UMAD1: variants seen among roughly 807,000 people sequenced by gnomAD.
UMAD1 encodes the protein UBAP1-MVB12-associated (UMA)-domain containing protein 1.
Under a neutral mutation model 6.1 loss-of-function variants are expected in UMAD1, and 8 were observed. That is an observed-to-expected ratio of 1.30 (90% CI 0.76 to 2.35). The LOEUF is 2.35. Ranked by LOEUF, UMAD1 falls within the 30% of genes most tolerant of loss-of-function variation. The pLI is 0.00. For synonymous variants in UMAD1, 56 were observed against 31.4 expected, an observed-to-expected ratio of 1.78 and a Z score of -2.61; for missense variants, 130 against 78.4, an observed-to-expected ratio of 1.66 and a Z score of -2.49.
intron 3 of UMAD1, among the ~76,000 whole-genome samples, chr7:7,805,812 A>G (rs1403559521): frequency 6.6e-6 from 1 of 152,106 alleles, no homozygotes; most frequent in African/African-American, 2.4e-5. Context: ...GTCACTTTTC[A>G]TGACTACCTC....
intron 2 of UMAD1, among the ~76,000 whole-genome samples, chr7:7,755,010 A>G (rs908275408): frequency 6.6e-6 from 1 of 152,038 alleles, no homozygotes; most frequent in African/African-American, 2.4e-5. Flanking sequence ...GATTCTTTTT[A>G]ATTTAAGTGT....
At chr7:7,650,767 ATCACTCTCCATCCAGTGAT>A (rs1278584187) in intron 1 of UMAD1, among the ~76,000 whole-genome samples, 1 of 152,212 alleles carries the variant, frequency 6.6e-6, no homozygotes, top group Non-Finnish European at 1.5e-5. Context: ...TATCAGACTG[ATCACTCTCCATCCAGTGAT>A]TTCCTCCGGC....
chr7:7,784,843 G>C (rs1474129992), intron 2 of UMAD1, among the ~76,000 whole-genome samples: 4 of 139,966 alleles, frequency 2.9e-5, no homozygotes, highest in Non-Finnish European at 4.6e-5. Context: ...CTCGCTGCAG[G>C]CTCCGCCCCC....
chr7:7,783,184 A>G (rs1182363974), intron 2 of UMAD1, among the ~76,000 whole-genome samples: 1 of 152,226 alleles, frequency 6.6e-6, no homozygotes, highest in Admixed American at 6.5e-5. Flanking sequence ...GGCTGGTTGC[A>G]CCCATCTTGT....
At chr7:7,698,147 A>G (rs770022802) in intron 2 of UMAD1, among the ~76,000 whole-genome samples, 12 of 152,228 alleles carry the variant, frequency 7.9e-5, no homozygotes, top group Non-Finnish European at 2.9e-5. Context: ...ACTAAGAATA[A>G]ACAGGTAGTT....
chr7:7,759,496 C>T (rs74858493), intron 2 of UMAD1, among the ~76,000 whole-genome samples: 10,945 of 152,246 alleles, frequency 0.072, 417 homozygotes, highest in South Asian at 0.092. Context: ...TACAAGGCCA[C>T]GGGGCTTACA....
chr7:7,838,007 GC>G (rs1379887309), intron 3 of UMAD1, among the ~76,000 whole-genome samples: 2 of 152,078 alleles, frequency 1.3e-5, no homozygotes, highest in Non-Finnish European at 2.9e-5. Context: ...AATGTTGTAT[GC>G]CCCCAATAAC....
At chr7:7,736,709 T>C (rs1781367232) in intron 2 of UMAD1, 1 of 152,264 alleles carries the variant, frequency 6.6e-6, no homozygotes, top group Admixed American at 6.5e-5. Context: ...AAGCCCTTTC[T>C]TGATGTCTTC....
At chr7:7,872,001 C>T (rs73347327) in intron 3 of UMAD1, among the ~76,000 whole-genome samples, 7,451 of 151,948 alleles carry the variant, frequency 0.049, 613 homozygotes, top group African/African-American at 0.17. Flanking sequence ...CAAGAATCTC[C>T]CCTCCGCAGT....
intron 3 of UMAD1, among the ~76,000 whole-genome samples, chr7:7,857,963 CT>C (rs776122636): frequency 6.6e-6 from 1 of 152,124 alleles, no homozygotes; most frequent in African/African-American, 2.4e-5. Flanking sequence ...GTGAAATGTC[CT>C]TATACTCTGT....
rs552555095 is a variant in UMAD1, at chr7:7,813,687, T to C, written c.156+11944T>C. Among the ~76,000 whole-genome samples, 6 of 152,344 alleles carry C rather than the reference T, an allele frequency of 3.9e-5. No individual in the cohort carries two copies. In the South Asian group the frequency reaches 1.2e-3, roughly 32 times the overall value. ...GTATAACCCTACTTTTTAAGATGGT[T>C]TCTCTTGGAAAATAGTTTGAAGAAC... On this transcript the variant is annotated intron_variant, in intron 3 of 3. Coordinates refer to ENST00000682710, the MANE Select transcript of UMAD1 (RefSeq NM_001302348.2).
chr7:7,684,206 ATT>A (rs112128125), intron 2 of UMAD1, among the ~76,000 whole-genome samples: 3 of 144,798 alleles, frequency 2.1e-5, no homozygotes, highest in African/African-American at 2.5e-5. Flanking sequence ...CACAGATGCA[ATT>A]TTTTTTTTTT....
chr7:7,763,072 T>C (rs2115233859), intron 2 of UMAD1, among the ~76,000 whole-genome samples: 1 of 152,328 alleles, frequency 6.6e-6, no homozygotes, highest in Middle Eastern at 3.4e-3. Flanking sequence ...AGCCAAATTA[T>C]ATTTTTAAAT....
At chr7:7,782,171 G>GT (rs1563201452) in intron 2 of UMAD1, among the ~76,000 whole-genome samples, 1 of 150,760 alleles carries the variant, frequency 6.6e-6, no homozygotes, top group Non-Finnish European at 1.5e-5. Flanking sequence ...TCTCTGTTTT[G>GT]TTTTTTTAAG....
At chr7:7,686,328 T>G (rs1780040545) in intron 2 of UMAD1, among the ~76,000 whole-genome samples, 3 of 152,184 alleles carry the variant, frequency 2.0e-5, no homozygotes, top group Admixed American at 1.3e-4. Context: ...GGGCCTTGTG[T>G]GGCCTTCTCA....
chr7:7,770,447 C>T (rs376343173), intron 2 of UMAD1, among the ~76,000 whole-genome samples: 16 of 152,168 alleles, frequency 1.1e-4, no homozygotes, highest in African/African-American at 3.6e-4. Flanking sequence ...CACCACTGTT[C>T]TCAAGATACT....
intron 2 of UMAD1, chr7:7,772,443 C>A (rs1782119844): frequency 6.6e-6 from 1 of 152,290 alleles, no homozygotes; most frequent in Non-Finnish European, 1.5e-5. Context: ...TTTCTATCTT[C>A]TGGTACATCT....
chr7:7,806,839 T>G (rs1330062505), intron 3 of UMAD1, among the ~76,000 whole-genome samples: 1 of 152,220 alleles, frequency 6.6e-6, no homozygotes, highest in African/African-American at 2.4e-5. Context: ...TGTTGAAATA[T>G]TCTCTATAAC....
chr7:7,791,297 G>A (rs556258060), intron 2 of UMAD1, among the ~76,000 whole-genome samples: 25 of 152,284 alleles, frequency 1.6e-4, no homozygotes, highest in African/African-American at 5.8e-4. Context: ...AGAGCCTGTT[G>A]TCAGTGGAAT....
Sources: gnomAD v4.1 joint callset for allele counts (sites outside exome capture counted in the v4.1 genomes callset) on GRCh38, gnomAD v4.1.1 for gene constraint, MANE v1.5 for transcripts, NCBI Gene and HGNC (gene_info 2026-07-23, HGNC 2026-07-21) for gene names.